SLC17A6: variants seen among roughly 807,000 people sequenced by gnomAD.
The protein encoded by SLC17A6 is solute carrier family 17 member 6, also known as vesicular glutamate transporter 2.
SLC17A6 carries 35 observed loss-of-function variants against 67.1 expected under a neutral mutation model. The observed-to-expected ratio is 0.52, with a 90% CI of 0.40 to 0.69. SLC17A6 has a LOEUF of 0.69. Among genes scored for constraint, SLC17A6 ranks in the 30% least tolerant of loss-of-function variants. SLC17A6 has a pLI of 0.00. For synonymous variants in SLC17A6, 285 were observed against 252.3 expected (o/e 1.13, Z -1.23); for missense variants, 588 against 723.9 (o/e 0.81, Z 2.15).
chr11:22,345,542 T>C (rs2133860297), intron 3 of SLC17A6, among the ~76,000 whole-genome samples: 1 of 152,214 alleles, frequency 6.6e-6, no homozygotes, highest in Non-Finnish European at 1.5e-5. Flanking sequence ...ATCTTACCTT[T>C]AAATGGGTAT....
At chr11:22,373,697 T>C (rs546965033) in intron 8 of SLC17A6, among the ~76,000 whole-genome samples, 5 of 152,282 alleles carry the variant, frequency 3.3e-5, no homozygotes, top group African/African-American at 1.2e-4. Flanking sequence ...CTTCTGACTC[T>C]AAATTTTTTT....
At chr11:22,368,570 T>C (rs369536467) in intron 7 of SLC17A6, among the ~76,000 whole-genome samples, 2 of 152,030 alleles carry the variant, frequency 1.3e-5, no homozygotes, top group East Asian at 1.9e-4. Context: ...TACTTTACCA[T>C]GTAAAGAATA....
chr11:22,353,872 T>C (rs1480878545), intron 3 of SLC17A6, among the ~76,000 whole-genome samples: 1 of 152,194 alleles, frequency 6.6e-6, no homozygotes, highest in African/African-American at 2.4e-5. Context: ...GGGGAATATC[T>C]GGCATGGTAC....
At position 22,363,438 on chromosome 11, in the gene SLC17A6, A is replaced by C. The variant is rs2593689; in HGVS notation, c.748+613A>C. Among the ~76,000 whole-genome samples, 1,319 of 152,270 alleles carry C rather than the reference A, an allele frequency of 8.7e-3. 20 individuals carry two copies. Among genetic ancestry groups the C allele is most frequent in the African/African-American group, 0.03 (1,253 of 41,544 alleles). On this transcript the variant is annotated intron_variant, in intron 6 of 11. Transcript: ENST00000263160. ...TGTAACTATTTCAAAATATCCCTAC[A>C]GTCTTTCTTTCTAAGAGGCACTTTT...
intron 3 of SLC17A6, among the ~76,000 whole-genome samples, chr11:22,346,926 T>C (rs1049929159): frequency 4.0e-5 from 6 of 151,078 alleles, no homozygotes; most frequent in African/African-American, 1.5e-4. Context: ...ATGAACATTA[T>C]ATGTTTAATG....
intron 7 of SLC17A6, among the ~76,000 whole-genome samples, chr11:22,366,615 A>G (rs1446289940): frequency 3.9e-5 from 6 of 152,204 alleles, no homozygotes; most frequent in Non-Finnish European, 7.4e-5. Context: ...ACATAGTTCT[A>G]TTTCAATAAT....
At chr11:22,343,427 A>G (rs1855842232) in intron 3 of SLC17A6, 62 bp downstream of exon 3, 2 of 1,416,144 alleles carry the variant, frequency 1.4e-6, no homozygotes, top group South Asian at 2.5e-5. Context: ...AAGGGGCAGC[A>G]GAAGCTGGAG....
rs1056796108 is a variant in SLC17A6 at position 22,378,661 on chromosome 11, T to C, written c.*921T>C. On this transcript the variant is annotated 3_prime_UTR_variant, in exon 12 of 12. Coordinates refer to ENST00000263160, the MANE Select transcript of SLC17A6 (RefSeq NM_020346.3). ...TTAAGAACAAAGAAATAGAAAATGG[T>C]TTAGATATCTTTCTTCCTTCATAAT... is the stretch of plus-strand genomic sequence containing the variant. 2.0e-5 allele frequency: 3 copies of C among 152,308 alleles called. No individual in the cohort carries two copies. The highest frequency in any genetic ancestry group is 6.6e-5 in the Admixed American group (1 of 15,232). The allele number at this position is 152,308 out of a possible 1,614,324, so 9.4% of individuals were successfully genotyped here.
At chr11:22,351,715 G>A (rs558567440) in intron 3 of SLC17A6, among the ~76,000 whole-genome samples, 1 of 152,130 alleles carries the variant, frequency 6.6e-6, no homozygotes, top group Non-Finnish European at 1.5e-5. Context: ...GAAAGAACTA[G>A]CCTGTGGAAC....
intron 3 of SLC17A6, among the ~76,000 whole-genome samples, chr11:22,356,883 G>A (rs1358828458): frequency 6.6e-6 from 1 of 152,158 alleles, no homozygotes; most frequent in African/African-American, 2.4e-5. Context: ...CCATGATATT[G>A]TATAATTAGA....
At position 22,338,555 on chromosome 11, in the gene SLC17A6, A is replaced by T. The variant is rs1351101820; in HGVS notation, c.22A>T (p.Ile8Phe). ...AAGAATGGAATCCGTAAAACAAAGG[A>T]TTTTGGCCCCAGGAAAAGAGGGGCT... MESVKQR[I>F]LAPGKEGLKN... Residue 8 changes from isoleucine to phenylalanine, a missense_variant, in exon 1 of 12, where the codon ATT (isoleucine) becomes TTT (phenylalanine). Around this residue, in one of 4 missense-constraint regions of SLC17A6, gnomAD observed 117 missense variants for 98.7 expected, o/e 1.19. Transcript: ENST00000263160. 6.2e-7 allele frequency: 1 copy of T among 1,613,592 alleles called. No individual in the cohort carries two copies. Among genetic ancestry groups the T allele is most frequent in the East Asian group, 2.2e-5 (1 of 44,868 alleles).
chr11:22,350,360 T>C (rs1175736741), intron 3 of SLC17A6, among the ~76,000 whole-genome samples: 2 of 152,076 alleles, frequency 1.3e-5, no homozygotes, highest in Non-Finnish European at 2.9e-5. Context: ...GGAAAGTGTA[T>C]GTGTGTGTGA....
chr11:22,378,144 C>T lies in SLC17A6; in HGVS notation c.*404C>T, dbSNP rs1435646607. ...TGTTACACTGTATTGCAAGATAGCA[C>T]ACAGAAGTTGGCTGCGTCAAGTAGA... On this transcript the variant is annotated 3_prime_UTR_variant, in exon 12 of 12. Transcript: ENST00000263160. The T allele has an allele frequency of 1.1e-5, 2 of 184,662 alleles. No individual in the cohort carries two copies. Among genetic ancestry groups the T allele is most frequent in the African/African-American group, 4.7e-5 (2 of 42,978 alleles). 11.4% of individuals were successfully genotyped at this position (184,662 alleles called of 1,614,324 possible). A position where few individuals can be genotyped will look rare whatever the true frequency, so the allele number is the denominator to read the frequency against.
chr11:22,362,063 T>C (rs1407178193), intron 5 of SLC17A6, among the ~76,000 whole-genome samples: 2 of 152,132 alleles, frequency 1.3e-5, no homozygotes, highest in East Asian at 1.9e-4. Flanking sequence ...TAACCCACTA[T>C]GTAAAATTCA....
intron 3 of SLC17A6, among the ~76,000 whole-genome samples, chr11:22,344,283 C>A (rs991682264): frequency 2.0e-5 from 3 of 152,266 alleles, no homozygotes; most frequent in African/African-American, 4.8e-5. Context: ...CTTCCTACAC[C>A]CAAAACTCAC....
intron 3 of SLC17A6, among the ~76,000 whole-genome samples, chr11:22,348,118 T>A (rs905496857): frequency 6.6e-6 from 1 of 152,156 alleles, no homozygotes; most frequent in Admixed American, 6.5e-5. Flanking sequence ...GTGATTTATC[T>A]GAGGTCACAA....
chr11:22,374,793 A>G lies in SLC17A6; in HGVS notation c.1080A>G (p.Thr360=). The change falls in exon 9 of 12, where the codon ACA becomes ACG. Residue 360 remains threonine, a synonymous_variant. Coordinates refer to ENST00000263160, the MANE Select transcript of SLC17A6 (RefSeq NM_020346.3). ...MLSAVPHLVM[T]IIVPIGGQIA... The stretch of plus-strand genomic sequence containing the variant: ...CTGCTGTGCCACACTTAGTAATGAC[A>G]ATTATTGTGCCTATTGGGGGACAAA... 1 of 1,613,366 alleles carries G rather than the reference A, an allele frequency of 6.2e-7. No homozygotes were observed. The highest frequency in any genetic ancestry group is 8.5e-7 in the Non-Finnish European group (1 of 1,179,742).
intron 7 of SLC17A6, among the ~76,000 whole-genome samples, chr11:22,366,077 C>T (rs1218142250): frequency 3.9e-5 from 6 of 151,962 alleles, no homozygotes; most frequent in South Asian, 4.2e-4. Context: ...GTAGTCCCCC[C>T]GCATCCTGAA....
intron 7 of SLC17A6, among the ~76,000 whole-genome samples, chr11:22,366,727 G>A (rs1187909946): frequency 2.0e-5 from 3 of 152,156 alleles, no homozygotes; most frequent in Non-Finnish European, 4.4e-5. Flanking sequence ...CGTCGTGGCT[G>A]GGCACGGTGG....
Sources: gnomAD v4.1 joint callset for allele counts (sites outside exome capture counted in the v4.1 genomes callset) on GRCh38, gnomAD v4.1.1 for gene constraint, gnomAD v4.1.1 regional missense constraint, MANE v1.5 for transcripts, NCBI Gene and HGNC (gene_info 2026-07-23, HGNC 2026-07-21) for gene names.